Variants in TRPV1 observed in about 807,000 individuals in gnomAD.
The protein encoded by TRPV1 is OTRPC1.
TRPV1 carries 82 observed loss-of-function variants against 82.3 expected under a neutral mutation model. The observed-to-expected ratio is 1.00, with a 90% CI of 0.83 to 1.20. TRPV1 has a LOEUF of 1.20. TRPV1 is among the 50% of genes most tolerant of loss of function. The pLI, the probability that TRPV1 is intolerant of heterozygous loss-of-function variation, is 0.00. For synonymous variants in TRPV1, 515 were observed against 467.7 expected (o/e 1.10, Z -1.30); for missense variants, 1,067 against 1,096.8 (o/e 0.97, Z 0.38).
At chr17:3,572,054 C>T (rs902449830) in intron 15 of TRPV1, 68 bp downstream of exon 15, 21 of 1,569,704 alleles carry the variant, frequency 1.3e-5, no homozygotes, top group South Asian at 1.3e-4. Flanking sequence ...GGCCCTGAGG[C>T]AGGCTCTGTG....
chr17:3,589,400 C>A (rs184404002), intron 7 of TRPV1, among the ~76,000 whole-genome samples: 62 of 152,102 alleles, frequency 4.1e-4, no homozygotes, highest in African/African-American at 1.4e-3. Context: ...AGAGGTTTCA[C>A]CAGGTTGGTC....
rs907191658 is a variant in TRPV1 at position 3,571,666 on chromosome 17, T to G, written c.2232-27A>C. 3.2e-6 allele frequency: 5 copies of G among 1,556,284 alleles called. No homozygotes were observed. In the Admixed American group the frequency reaches 9.1e-5, roughly 28 times the overall value. ...TGCAGGGTAAGGGGTCGGGAGAGCC[T>G]GAGAGCTGTGCCCAGCTTCCCGGGC... On this transcript the variant is annotated intron_variant, in intron 15 of 16. Transcript: ENST00000572705.
chr17:3,577,921 G>GATCTACACT, intron 11 of TRPV1, 158 bp from the exon 12 acceptor site: 1 of 651,804 alleles, frequency 1.5e-6, no homozygotes, highest in South Asian at 2.0e-5. Context: ...CGTTCTCCGT[G>GATCTACACT]GAAGCAGCAT....
intron 16 of TRPV1, among the ~76,000 whole-genome samples, chr17:3,570,268 A>T (rs548194885): frequency 1.3e-5 from 2 of 151,720 alleles, no homozygotes; most frequent in Non-Finnish European, 2.9e-5. Flanking sequence ...TACTCGGGAG[A>T]CTGAGGCAGG....
chr17:3,583,064 A>T (rs935123360), intron 10 of TRPV1, among the ~76,000 whole-genome samples: 13 of 151,866 alleles, frequency 8.6e-5, no homozygotes, highest in Admixed American at 8.5e-4. Flanking sequence ...AGAGGCCTCC[A>T]CTCTGCCCCT....
chr17:3,586,218 C>T (rs890375819), intron 8 of TRPV1, among the ~76,000 whole-genome samples: 1 of 152,302 alleles, frequency 6.6e-6, no homozygotes, highest in East Asian at 1.9e-4. Flanking sequence ...CCGCACTGCC[C>T]GTTGTGTCTA....
intron 2 of TRPV1, among the ~76,000 whole-genome samples, chr17:3,603,228 C>T (rs544498596): frequency 5.3e-5 from 8 of 152,252 alleles, no homozygotes; most frequent in Non-Finnish European, 7.3e-5. Flanking sequence ...GACCAGCTTC[C>T]GTGGAGGGCA....
intron 12 of TRPV1, 125 bp downstream of exon 12, chr17:3,577,473 G>T: frequency 7.9e-7 from 1 of 1,265,466 alleles, no homozygotes; most frequent in Non-Finnish European, 1.1e-6. Context: ...TGGAAAATAG[G>T]CTGGGGGGTA....
chr17:3,584,402 C>CA (rs1447579699), intron 9 of TRPV1, among the ~76,000 whole-genome samples: 2,923 of 16,404 alleles, frequency 0.18, 364 homozygotes, highest in Non-Finnish European at 0.27. Flanking sequence ...GACTCTGTCT[C>CA]AAAAAAAAAA....
At chr17:3,580,372 A>T in intron 11 of TRPV1, 85 bp downstream of exon 11, 1 of 1,396,502 alleles carries the variant, frequency 7.2e-7, no homozygotes, top group Non-Finnish European at 1.0e-6. Context: ...ACTATGTGCC[A>T]GGCCCGGCGT....
intron 9 of TRPV1, 152 bp downstream of exon 9, chr17:3,585,616 G>C (rs1267441192): frequency 4.3e-6 from 4 of 925,876 alleles, no homozygotes; most frequent in Non-Finnish European, 6.4e-6. Flanking sequence ...AGGGATACGA[G>C]GTTCTCCACG....
At chr17:3,574,322 A>G (rs554128489) in intron 13 of TRPV1, among the ~76,000 whole-genome samples, 43 of 152,198 alleles carry the variant, frequency 2.8e-4, no homozygotes, top group Non-Finnish European at 4.9e-4. Context: ...AGCCGCTCAG[A>G]GCAGAATGAC....
intron 2 of TRPV1, among the ~76,000 whole-genome samples, chr17:3,603,445 G>A (rs747182228): frequency 1.3e-5 from 2 of 152,196 alleles, no homozygotes; most frequent in South Asian, 2.1e-4. Context: ...GAAGAGGCCC[G>A]CGTGTGCTAG....
In TRPV1 at chr17:3,584,402, C is replaced by CAAAAAAAAAAAAA. The variant is rs1447579699; in HGVS notation, c.1384-985_1384-973dup. 1.1e-3 allele frequency among the ~76,000 whole-genome samples: 18 copies of CAAAAAAAAAAAAA among 16,776 alleles called. 5 individuals carry two copies. Among genetic ancestry groups the CAAAAAAAAAAAAA allele is most frequent in the African/African-American group, 3.5e-3 (15 of 4,346 alleles). 11.0% of individuals were successfully genotyped at this position (16,776 alleles called of 152,430 possible). ...TGGAAAACAGAGAGAGACTCTGTCT[C>CAAAAAAAAAAAAA]AAAAAAAAAAAAAATAAAATAAAAA... is the stretch of plus-strand genomic sequence containing the variant. On this transcript the variant is annotated intron_variant, in intron 9 of 16. Transcript: ENST00000572705.
rs75559215 is a variant in TRPV1, at chr17:3,567,627, G to A, written c.2348-640C>T. Among the ~76,000 whole-genome samples, 258 of 152,012 alleles carry A rather than the reference G, an allele frequency of 1.7e-3. 1 individual carries two copies. Among genetic ancestry groups the A allele is most frequent in the African/African-American group, 6.0e-3 (251 of 41,500 alleles). ...CCTCCCTGCCCCAGCGGGAGGGAGA[G>A]AGGGTCTCCACAGAGCAACGCCGAG... On this transcript the variant is annotated intron_variant, in intron 16 of 16. Transcript: ENST00000572705.
intron 2 of TRPV1, among the ~76,000 whole-genome samples, chr17:3,596,034 G>A (rs1008490737): frequency 3.9e-5 from 6 of 152,188 alleles, no homozygotes; most frequent in Admixed American, 6.5e-5. Context: ...AACTTCTACC[G>A]TGATTTAGGC....
intron 5 of TRPV1, among the ~76,000 whole-genome samples, 173 bp downstream of exon 5, chr17:3,590,791 A>G (rs1284985115): frequency 6.6e-6 from 1 of 151,998 alleles, no homozygotes; most frequent in Non-Finnish European, 1.5e-5. Flanking sequence ...ACCAGGAGAA[A>G]TCAAGCCAGC....
chr17:3,597,993 T>G (rs1413960069), intron 2 of TRPV1, among the ~76,000 whole-genome samples: 1 of 152,102 alleles, frequency 6.6e-6, no homozygotes, highest in Non-Finnish European at 1.5e-5. Context: ...TTTTCTCTCT[T>G]CACTTCATAC....
In TRPV1 at chr17:3,580,543, G is replaced by C. The variant is rs780098618; in HGVS notation, c.1477-16C>G. On this transcript the variant is annotated splice_polypyrimidine_tract_variant and intron_variant, in intron 10 of 16. Transcript: ENST00000572705. ...AATACTGAATCTGCAGGTAAACAGA[G>C]AGAGTAAGATCCCAGGCAATGCTCG... 9 of 1,613,842 alleles carry C rather than the reference G, an allele frequency of 5.6e-6. No homozygotes were observed. The highest frequency in any genetic ancestry group is 2.7e-5 in the African/African-American group (2 of 74,942).
Sources: gnomAD v4.1 joint callset for allele counts (sites outside exome capture counted in the v4.1 genomes callset) on GRCh38, gnomAD v4.1.1 for gene constraint, MANE v1.5 for transcripts, NCBI Gene and HGNC (gene_info 2026-07-23, HGNC 2026-07-21) for gene names.